Variants in MAGI2 observed in about 807,000 individuals in gnomAD.
The protein encoded by MAGI2 is membrane-associated guanylate kinase, WW and PDZ domain-containing protein 2.
MAGI2 carries 35 observed loss-of-function variants against 133.3 expected under a neutral mutation model. That is an observed-to-expected ratio of 0.26 (90% CI 0.20 to 0.35). MAGI2 has a LOEUF of 0.35. Among genes scored for constraint, MAGI2 ranks in the 10% least tolerant of loss-of-function variants. The pLI is 1.00. For synonymous variants in MAGI2, 729 were observed against 710.6 expected (o/e 1.03, Z -0.41); for missense variants, 1,636 against 1,863.4 (o/e 0.88, Z 2.25).
intron 2 of MAGI2, among the ~76,000 whole-genome samples, chr7:78,795,438 A>G (rs965619408): frequency 1.3e-5 from 2 of 152,094 alleles, no homozygotes; most frequent in Admixed American, 6.6e-5. Flanking sequence ...GAAGAAATCA[A>G]GAAAGTAATT....
chr7:78,765,908 G>GA (rs1436351608), intron 2 of MAGI2, among the ~76,000 whole-genome samples: 1 of 152,184 alleles, frequency 6.6e-6, no homozygotes, highest in Non-Finnish European at 1.5e-5. Context: ...AAGCAAAGTG[G>GA]GTAGAAATGT....
chr7:79,096,505 C>T (rs899066700), intron 1 of MAGI2, among the ~76,000 whole-genome samples: 1 of 152,128 alleles, frequency 6.6e-6, no homozygotes, highest in East Asian at 1.9e-4. Flanking sequence ...AGAGCATTTC[C>T]TTCTTTTAAC....
chr7:78,450,488 T>C (rs1010183886), intron 6 of MAGI2, among the ~76,000 whole-genome samples: 13 of 152,120 alleles, frequency 8.5e-5, no homozygotes, highest in African/African-American at 3.1e-4. Context: ...GATGACTAAG[T>C]TGAATGCAGC....
chr7:79,345,997 C>T (rs1034462581), intron 1 of MAGI2, among the ~76,000 whole-genome samples: 1 of 151,968 alleles, frequency 6.6e-6, no homozygotes. Context: ...CATAGGTAAA[C>T]CATTTCTACA....
chr7:79,038,968 G>C (rs950724503), intron 1 of MAGI2, among the ~76,000 whole-genome samples: 15 of 152,156 alleles, frequency 9.9e-5, no homozygotes, highest in Non-Finnish European at 8.8e-5. Context: ...CATTATAAGT[G>C]GATAGTTTTT....
intron 2 of MAGI2, among the ~76,000 whole-genome samples, chr7:78,959,188 G>A (rs985904455): frequency 6.6e-5 from 10 of 152,076 alleles, no homozygotes; most frequent in Admixed American, 5.9e-4. Flanking sequence ...TATATTGAAA[G>A]AAAAGAGACA....
intron 2 of MAGI2, among the ~76,000 whole-genome samples, chr7:78,964,370 T>C (rs1048642454): frequency 6.6e-6 from 1 of 152,064 alleles, no homozygotes; most frequent in Admixed American, 6.6e-5. Context: ...TTTGTATTAC[T>C]ACATCATCTC....
At chr7:79,040,992 G>T (rs190829190) in intron 1 of MAGI2, among the ~76,000 whole-genome samples, 1 of 152,140 alleles carries the variant, frequency 6.6e-6, no homozygotes, top group African/African-American at 2.4e-5. Context: ...TAGAAGAGAC[G>T]TTCTCAGCAA....
intron 4 of MAGI2, among the ~76,000 whole-genome samples, chr7:78,502,228 T>C (rs1352195386): frequency 6.6e-6 from 1 of 152,086 alleles, no homozygotes; most frequent in African/African-American, 2.4e-5. Context: ...TTAAATGTAA[T>C]CACAAGAGTC....
chr7:79,413,800 C>G (rs750344852), intron 1 of MAGI2: 6 of 152,218 alleles, frequency 3.9e-5, no homozygotes, highest in Admixed American at 3.3e-4. Context: ...TGCCAATTTT[C>G]TCCATGTTGA....
chr7:78,339,651 C>T (rs1790145039), intron 9 of MAGI2, among the ~76,000 whole-genome samples: 1 of 152,152 alleles, frequency 6.6e-6, no homozygotes, highest in Non-Finnish European at 1.5e-5. Context: ...TTGTCTTATT[C>T]TAATCGTAGG....
intron 3 of MAGI2, among the ~76,000 whole-genome samples, chr7:78,589,299 A>G (rs1309454728): frequency 6.6e-6 from 1 of 152,102 alleles, no homozygotes; most frequent in Non-Finnish European, 1.5e-5. Context: ...AACTCACAAA[A>G]CCCCAGTGAG....
chr7:78,856,616 T>C (rs2151490777), intron 2 of MAGI2, among the ~76,000 whole-genome samples: 1 of 152,320 alleles, frequency 6.6e-6, no homozygotes, highest in East Asian at 1.9e-4. Flanking sequence ...TCTATATCTC[T>C]GGTTTGGTAC....
chr7:78,541,460 C>T (rs557123035), intron 3 of MAGI2, among the ~76,000 whole-genome samples: 4 of 152,228 alleles, frequency 2.6e-5, no homozygotes, highest in South Asian at 2.1e-4. Flanking sequence ...ACTGAGTAAA[C>T]GATTAGTAAA....
chr7:78,807,090 C>T (rs1788641460), intron 2 of MAGI2, among the ~76,000 whole-genome samples: 2 of 151,758 alleles, frequency 1.3e-5, no homozygotes, highest in Middle Eastern at 3.4e-3. Flanking sequence ...TATTGCAATC[C>T]TCTGATTAAA....
intron 20 of MAGI2, among the ~76,000 whole-genome samples, chr7:78,104,940 A>G (rs1229993692): frequency 6.6e-6 from 1 of 151,788 alleles, no homozygotes; most frequent in African/African-American, 2.4e-5. Context: ...TGCCCATGCA[A>G]TCACTAACCG....
intron 6 of MAGI2, among the ~76,000 whole-genome samples, chr7:78,437,906 C>T (rs1317046315): frequency 1.3e-5 from 2 of 152,052 alleles, no homozygotes; most frequent in Non-Finnish European, 2.9e-5. Context: ...ATTGACTGCA[C>T]CTAATGAAAA....
chr7:78,675,205 C>A (rs1423799046), intron 2 of MAGI2, among the ~76,000 whole-genome samples: 2 of 151,896 alleles, frequency 1.3e-5, no homozygotes, highest in African/African-American at 4.8e-5. Flanking sequence ...ATAAAAAGAT[C>A]CAGGGATCTC....
intron 1 of MAGI2, among the ~76,000 whole-genome samples, chr7:79,268,639 A>G (rs1458586111): frequency 6.6e-6 from 1 of 152,112 alleles, no homozygotes; most frequent in African/African-American, 2.4e-5. Context: ...TACTAGAGAT[A>G]TTTTAGCTTC....
Sources: allele counts gnomAD v4.1 joint callset (sites outside exome capture counted in the v4.1 genomes callset), GRCh38; gene constraint gnomAD v4.1.1; transcripts MANE v1.5; gene names NCBI Gene and HGNC (gene_info 2026-07-23, HGNC 2026-07-21).